Variants in ADAMTS19 observed in about 807,000 individuals in gnomAD.
ADAMTS19 encodes A disintegrin and metalloproteinase with thrombospondin motifs 19.
A neutral mutation model predicts 153.3 loss-of-function variants in ADAMTS19; 93 were observed. The ratio of observed to expected loss-of-function variants is 0.61; its 90% CI spans 0.51 to 0.72. The LOEUF is 0.72. Ranked by LOEUF, ADAMTS19 falls within the 30% of genes least tolerant of loss-of-function variation. The pLI, the probability that ADAMTS19 is intolerant of heterozygous loss-of-function variation, is 0.00. For missense variants in ADAMTS19, 1,482 were observed against 1,552.1 expected, an observed-to-expected ratio of 0.95 and a Z score of 0.76; for synonymous variants, 600 against 556.6, an observed-to-expected ratio of 1.08 and a Z score of -1.10.
At chr5:129,642,259 CAG>C (rs1484691623) in intron 11 of ADAMTS19, among the ~76,000 whole-genome samples, 1 of 151,698 alleles carries the variant, frequency 6.6e-6, no homozygotes, top group Admixed American at 6.6e-5. Flanking sequence ...ACTTTTTAAA[CAG>C]AAGTAAATTA....
chr5:129,552,445 A>G (rs1004923828), intron 7 of ADAMTS19, among the ~76,000 whole-genome samples: 2 of 151,830 alleles, frequency 1.3e-5, no homozygotes, highest in African/African-American at 2.4e-5. Flanking sequence ...TCTAATTTTG[A>G]GAAAATGGTC....
chr5:129,579,389 G>A lies in ADAMTS19; in HGVS notation c.1373-17170G>A, dbSNP rs149873250. Among the ~76,000 whole-genome samples the A allele has an allele frequency of 1.5e-3, 235 of 152,238 alleles. 1 individual carries two copies. Among genetic ancestry groups the A allele is most frequent in the African/African-American group, 5.2e-3 (218 of 41,560 alleles). ...AAAATGTTGTCCCATTCTTTAGGTT[G>A]CCTGTTCACTCTGATGGTAGTTTCT... On this transcript the variant is annotated intron_variant, in intron 7 of 22. Coordinates refer to ENST00000274487, the MANE Select transcript of ADAMTS19 (RefSeq NM_133638.6).
intron 8 of ADAMTS19, among the ~76,000 whole-genome samples, chr5:129,598,815 C>T (rs1478010565): frequency 6.6e-6 from 1 of 152,116 alleles, no homozygotes; most frequent in African/African-American, 2.4e-5. Flanking sequence ...GTTCCTGGAC[C>T]TCTGCATATC....
chr5:129,509,599 T>A (rs1751368161), intron 3 of ADAMTS19, among the ~76,000 whole-genome samples: 2 of 152,138 alleles, frequency 1.3e-5, no homozygotes, highest in Non-Finnish European at 2.9e-5. Flanking sequence ...AGCCTTAATT[T>A]AGTCCACCTC....
chr5:129,695,533 G>T (rs570096224), intron 19 of ADAMTS19, among the ~76,000 whole-genome samples: 1 of 152,328 alleles, frequency 6.6e-6, no homozygotes, highest in Non-Finnish European at 1.5e-5. Flanking sequence ...GTTACTGGAA[G>T]TTGGGGTAAA....
At chr5:129,716,232 C>G (rs1001755258) in intron 21 of ADAMTS19, among the ~76,000 whole-genome samples, 2 of 151,978 alleles carry the variant, frequency 1.3e-5, no homozygotes, top group South Asian at 2.1e-4. Flanking sequence ...GGGTCTTGCT[C>G]TGTTGCCCAG....
intron 11 of ADAMTS19, among the ~76,000 whole-genome samples, chr5:129,642,494 G>C (rs1280370060): frequency 6.6e-6 from 1 of 152,120 alleles, no homozygotes; most frequent in South Asian, 2.1e-4. Context: ...TACATTTCCA[G>C]ATCTAAATAA....
In ADAMTS19 at chr5:129,735,158, A is replaced by G. The variant is rs1162797951; in HGVS notation, c.3490+49A>G. ...GCTTTTGAAAAACATAGAAATGCTTATGGCTTCTTGTATTTTGTATATTAC... is the reference window on the plus strand; with the variant it reads ...GCTTTTGAAAAACATAGAAATGCTTGTGGCTTCTTGTATTTTGTATATTAC... On this transcript the variant is annotated intron_variant, in intron 22 of 22. Transcript: ENST00000274487. 8.2e-6 allele frequency: 12 copies of G among 1,462,238 alleles called. No individual in the cohort carries two copies. In the South Asian group the frequency reaches 1.7e-4, roughly 21 times the overall value. 90.6% of individuals were successfully genotyped at this position (1,462,238 alleles called of 1,614,324 possible). A position where few individuals can be genotyped will look rare whatever the true frequency, so the allele number is the denominator to read the frequency against.
At chr5:129,518,496 C>T (rs1336341245) in intron 3 of ADAMTS19, among the ~76,000 whole-genome samples, 1 of 151,952 alleles carries the variant, frequency 6.6e-6, no homozygotes, top group Non-Finnish European at 1.5e-5. Flanking sequence ...TTTTTTTTTA[C>T]TTCAGCACAG....
At chr5:129,473,904 A>G (rs1750143057) in intron 2 of ADAMTS19, among the ~76,000 whole-genome samples, 1 of 152,056 alleles carries the variant, frequency 6.6e-6, no homozygotes, top group East Asian at 1.9e-4. Flanking sequence ...CTTTTTTCCA[A>G]CATCTTTTTT....
At chr5:129,640,725 T>C (rs967617357) in intron 10 of ADAMTS19, among the ~76,000 whole-genome samples, 2 of 152,148 alleles carry the variant, frequency 1.3e-5, no homozygotes, top group Non-Finnish European at 2.9e-5. Context: ...CATTTCTACT[T>C]GTTCTGTCTT....
intron 10 of ADAMTS19, among the ~76,000 whole-genome samples, chr5:129,624,288 C>T (rs1751924776): frequency 6.6e-6 from 1 of 152,060 alleles, no homozygotes; most frequent in Admixed American, 6.6e-5. Flanking sequence ...GACATTGGTT[C>T]TGTAAGGTCT....
At chr5:129,496,878 G>A (rs921586694) in intron 2 of ADAMTS19, among the ~76,000 whole-genome samples, 2 of 152,060 alleles carry the variant, frequency 1.3e-5, no homozygotes, top group East Asian at 3.9e-4. Flanking sequence ...ATAGGTCAAA[G>A]TTAGTTAATA....
intron 21 of ADAMTS19, among the ~76,000 whole-genome samples, chr5:129,711,316 T>A (rs1024280149): frequency 6.6e-6 from 1 of 152,186 alleles, no homozygotes; most frequent in African/African-American, 2.4e-5. Context: ...GTAGACACAT[T>A]AGTAAAATTG....
chr5:129,563,803 CAA>C (rs1753606295), intron 7 of ADAMTS19, among the ~76,000 whole-genome samples: 1 of 152,084 alleles, frequency 6.6e-6, no homozygotes, highest in African/African-American at 2.4e-5. Flanking sequence ...ATGGCAATCC[CAA>C]GATTTCTGAC....
chr5:129,669,088 G>A (rs1055065108), intron 16 of ADAMTS19, among the ~76,000 whole-genome samples: 3 of 149,040 alleles, frequency 2.0e-5, no homozygotes, highest in African/African-American at 4.9e-5. Context: ...ATATATATGT[G>A]TATATATATA....
chr5:129,581,166 G>C, intron 7 of ADAMTS19, among the ~76,000 whole-genome samples: 1 of 152,040 alleles, frequency 6.6e-6, no homozygotes, highest in East Asian at 1.9e-4. Flanking sequence ...GTCTTGGGAG[G>C]GTGTATGTGT....
chr5:129,510,768 AG>A (rs1299794825), intron 3 of ADAMTS19, among the ~76,000 whole-genome samples: 1 of 151,574 alleles, frequency 6.6e-6, no homozygotes, highest in East Asian at 1.9e-4. Flanking sequence ...CATAGAGAAA[AG>A]GTTTCTAGAA....
chr5:129,733,268 C>A (rs1444396903), intron 21 of ADAMTS19, among the ~76,000 whole-genome samples: 2 of 151,768 alleles, frequency 1.3e-5, no homozygotes, highest in Non-Finnish European at 2.9e-5. Context: ...TGAGTAAGAC[C>A]TTAAAAACAA....
Sources: allele counts gnomAD v4.1 joint callset (sites outside exome capture counted in the v4.1 genomes callset), GRCh38; gene constraint gnomAD v4.1.1; transcripts MANE v1.5; gene names NCBI Gene and HGNC (gene_info 2026-07-23, HGNC 2026-07-21).